Variants in PDE5A observed in about 807,000 individuals in gnomAD.
The protein encoded by PDE5A is cGMP-specific 3',5'-cyclic phosphodiesterase.
Under a neutral mutation model 110.2 loss-of-function variants are expected in PDE5A, and 67 were observed. The observed-to-expected ratio is 0.61, with a 90% CI of 0.50 to 0.75. The LOEUF (loss-of-function observed/expected upper bound fraction) is 0.75, where lower values mean the gene tolerates loss of function less well. PDE5A is among the 30% of genes least tolerant of loss of function. The probability of loss-of-function intolerance (pLI) is 0.00; values close to 1 mark genes in which losing one functional copy is unlikely to be tolerated. For missense variants in PDE5A, 862 were observed against 1,045.1 expected (o/e 0.82, Z 2.42); for synonymous variants, 328 against 351.2 (o/e 0.93, Z 0.74).
intron 3 of PDE5A, 78 bp from the exon 4 acceptor site, chr4:119,567,222 G>A (rs925193736): frequency 1.5e-5 from 16 of 1,053,846 alleles, no homozygotes; most frequent in Non-Finnish European, 2.2e-5. Context: ...TGTATTTATA[G>A]AAGATATCCT....
In PDE5A at chr4:119,600,743, TC is replaced by T. The variant is rs1729317505; in HGVS notation, c.742-4132del. Among the ~76,000 whole-genome samples, 3 of 152,266 alleles carry T rather than the reference TC, an allele frequency of 2.0e-5. No individual in the cohort carries two copies. The South Asian group carries it at 6.2e-4, about 32-fold the overall frequency. On this transcript the variant is annotated intron_variant, in intron 2 of 20. Coordinates refer to ENST00000354960, the MANE Select transcript of PDE5A (RefSeq NM_001083.4). ...ATGAATGAAGGAGAAGGCAAAACTC[TC>T]TCTTACATTAGAATTTCAGCTAATA...
chr4:119,582,044 C>A (rs1406655522), intron 3 of PDE5A, among the ~76,000 whole-genome samples: 2 of 152,136 alleles, frequency 1.3e-5, no homozygotes, highest in African/African-American at 4.8e-5. Flanking sequence ...TAGCATAAGA[C>A]AACAATGAAG....
At chr4:119,615,239 G>A (rs1346857311) in intron 1 of PDE5A, among the ~76,000 whole-genome samples, 1 of 152,118 alleles carries the variant, frequency 6.6e-6, no homozygotes, top group African/African-American at 2.4e-5. Context: ...TTTTAAATAG[G>A]GGAAAAGTCT....
At chr4:119,502,681 T>A (rs779129615) in intron 18 of PDE5A, 26 bp from the exon 19 acceptor site, 8 of 1,456,856 alleles carry the variant, frequency 5.5e-6, no homozygotes, top group Non-Finnish European at 9.6e-7. Flanking sequence ...GACTCAGTTT[T>A]GACAATGAAA....
At chr4:119,513,160 T>C (rs1725805850) in intron 14 of PDE5A, among the ~76,000 whole-genome samples, 1 of 152,114 alleles carries the variant, frequency 6.6e-6, no homozygotes, top group Non-Finnish European at 1.5e-5. Context: ...TGTCCCAGCC[T>C]ATCTTTAATA....
chr4:119,625,729 TTAAA>T (rs956490596), intron 1 of PDE5A, among the ~76,000 whole-genome samples: 23 of 150,110 alleles, frequency 1.5e-4, no homozygotes, highest in African/African-American at 5.6e-4. Flanking sequence ...GCTCCTACTT[TTAAA>T]AAAAAAAATC....
intron 14 of PDE5A, among the ~76,000 whole-genome samples, chr4:119,514,694 C>T (rs550602897): frequency 1.3e-5 from 2 of 152,262 alleles, no homozygotes; most frequent in African/African-American, 4.8e-5. Flanking sequence ...TCCCTTTATT[C>T]ACCACAGGAC....
chr4:119,593,094 T>A (rs1729037272), intron 3 of PDE5A, among the ~76,000 whole-genome samples: 1 of 152,196 alleles, frequency 6.6e-6, no homozygotes, highest in Non-Finnish European at 1.5e-5. Context: ...GCCAAGGATG[T>A]GATGTAAGGG....
intron 13 of PDE5A, chr4:119,519,444 A>C (rs1472842374): frequency 3.6e-6 from 1 of 274,310 alleles, no homozygotes; most frequent in Non-Finnish European, 6.7e-6. Context: ...AATAATCATA[A>C]TAAACTTTAA....
chr4:119,589,996 A>G (rs558413536), intron 3 of PDE5A, among the ~76,000 whole-genome samples: 62 of 152,250 alleles, frequency 4.1e-4, no homozygotes, highest in Non-Finnish European at 7.9e-4. Context: ...GAAAACACCA[A>G]TCAGGAGGGA....
At chr4:119,609,536 A>G (rs1336419222) in intron 1 of PDE5A, among the ~76,000 whole-genome samples, 1 of 152,194 alleles carries the variant, frequency 6.6e-6, no homozygotes, top group Non-Finnish European at 1.5e-5. Context: ...TTCATTTTGA[A>G]CAATGATGTA....
chr4:119,605,309 A>G (rs907237544), intron 2 of PDE5A, among the ~76,000 whole-genome samples: 1 of 152,072 alleles, frequency 6.6e-6, no homozygotes, highest in African/African-American at 2.4e-5. Context: ...TATTCAATTT[A>G]TTCAAATTTT....
intron 5 of PDE5A, among the ~76,000 whole-genome samples, chr4:119,564,441 A>G (rs1265228998): frequency 1.3e-5 from 2 of 152,162 alleles, no homozygotes; most frequent in Non-Finnish European, 2.9e-5. Flanking sequence ...GATCCAAAAG[A>G]TAGTGGAATC....
intron 3 of PDE5A, among the ~76,000 whole-genome samples, chr4:119,594,932 G>A (rs903961060): frequency 1.3e-5 from 2 of 152,132 alleles, no homozygotes; most frequent in Non-Finnish European, 2.9e-5. Context: ...ATCCCCAGGT[G>A]ATTCCTATGC....
At chr4:119,515,027 T>G (rs1725863042) in intron 14 of PDE5A, among the ~76,000 whole-genome samples, 1 of 152,186 alleles carries the variant, frequency 6.6e-6, no homozygotes, top group Admixed American at 6.6e-5. Flanking sequence ...CATGGTGGTA[T>G]AAGGACTAAA....
At chr4:119,512,185 G>T (rs1011370198) in intron 14 of PDE5A, among the ~76,000 whole-genome samples, 1 of 152,114 alleles carries the variant, frequency 6.6e-6, no homozygotes, top group Non-Finnish European at 1.5e-5. Context: ...GGTAAAGTGA[G>T]AGAAATCTGA....
chr4:119,513,322 G>C (rs1285447935), intron 14 of PDE5A, among the ~76,000 whole-genome samples: 2 of 152,060 alleles, frequency 1.3e-5, no homozygotes, highest in African/African-American at 4.8e-5. Flanking sequence ...AGGGACAACT[G>C]CCTTTGTCTT....
intron 3 of PDE5A, among the ~76,000 whole-genome samples, chr4:119,594,385 C>T (rs981871284): frequency 1.3e-5 from 2 of 152,072 alleles, no homozygotes; most frequent in Admixed American, 6.6e-5. Flanking sequence ...TTGGGGGCCA[C>T]GATTTTAAAA....
intron 14 of PDE5A, among the ~76,000 whole-genome samples, chr4:119,515,243 T>C (rs1046205650): frequency 2.0e-5 from 3 of 152,150 alleles, no homozygotes; most frequent in Middle Eastern, 3.2e-3. Context: ...TTTACCCAGT[T>C]TGAACTTCAC....
Sources: allele counts gnomAD v4.1 joint callset (sites outside exome capture counted in the v4.1 genomes callset), GRCh38; gene constraint gnomAD v4.1.1; transcripts MANE v1.5; gene names NCBI Gene and HGNC (gene_info 2026-07-23, HGNC 2026-07-21).